SYT1: variants seen among roughly 807,000 people sequenced by gnomAD.
SYT1 encodes synaptotagmin 1.
Under a neutral mutation model 44.8 loss-of-function variants are expected in SYT1, and 8 were observed. That is an observed-to-expected ratio of 0.18 (90% CI 0.10 to 0.32). The LOEUF is 0.32. Ranked by LOEUF, SYT1 falls within the 10% of genes least tolerant of loss-of-function variation. The pLI is 1.00. For missense variants in SYT1, 286 were observed against 509.3 expected (o/e 0.56, Z 4.22); for synonymous variants, 154 against 188.8 (o/e 0.82, Z 1.51).
chr12:79,160,386 C>T (rs1870875324), intron 3 of SYT1, among the ~76,000 whole-genome samples: 1 of 151,826 alleles, frequency 6.6e-6, no homozygotes, highest in Non-Finnish European at 1.5e-5. Flanking sequence ...GTGATGTGGT[C>T]AATGAAACCA....
chr12:79,220,216 A>G (rs973791351), intron 4 of SYT1, among the ~76,000 whole-genome samples: 2 of 152,076 alleles, frequency 1.3e-5, no homozygotes, highest in Non-Finnish European at 2.9e-5. Flanking sequence ...ATAATTGTTC[A>G]TAAGAGTCCC....
rs560122832 is a variant in SYT1 at position 79,072,116 on chromosome 12, A to G, written c.-18+24754A>G. Among the ~76,000 whole-genome samples, 214 of 152,278 alleles carry G rather than the reference A, an allele frequency of 1.4e-3. 8 individuals are homozygous for G. In the South Asian group the frequency reaches 0.043, roughly 31 times the overall value. On this transcript the variant is annotated intron_variant, in intron 3 of 10. Coordinates refer to ENST00000261205, the MANE Select transcript of SYT1 (RefSeq NM_005639.3). ...CTGTCATTATTTCATTGTTATCTGT[A>G]GAATTTCTTATTCTGTCTTTAAATA...
At chr12:79,164,365 A>G (rs1871124034) in intron 3 of SYT1, among the ~76,000 whole-genome samples, 2 of 152,000 alleles carry the variant, frequency 1.3e-5, no homozygotes, top group African/African-American at 4.8e-5. Flanking sequence ...CTCATTCTTC[A>G]TTTTTCCATT....
intron 9 of SYT1, among the ~76,000 whole-genome samples, chr12:79,384,723 G>A (rs1220362652): frequency 1.3e-5 from 2 of 152,106 alleles, no homozygotes; most frequent in Admixed American, 6.6e-5. Flanking sequence ...ATTGTTTCAA[G>A]GCTTGAATAG....
At chr12:79,078,253 C>T (rs1184728784) in intron 3 of SYT1, among the ~76,000 whole-genome samples, 1 of 152,112 alleles carries the variant, frequency 6.6e-6, no homozygotes, top group Non-Finnish European at 1.5e-5. Flanking sequence ...AGCGTGCCTT[C>T]TCCCCTCACC....
rs1380480725 is a variant in SYT1, at chr12:79,445,937, A to AAAT, written c.1062+1734_1062+1736dup. Among the ~76,000 whole-genome samples the AAAT allele has an allele frequency of 8.0e-3, 1,122 of 140,272 alleles. 7 individuals carry two copies. Among genetic ancestry groups the AAAT allele is most frequent in the Middle Eastern group, 0.019 (5 of 266 alleles). 92.0% of individuals were successfully genotyped at this position (140,272 alleles called of 152,430 possible). ...TAGCTATATAATATATACATATATAAAATAAGTATAGCTATTATGTTAGCT... is the reference window on the plus strand; with the variant it reads ...TAGCTATATAATATATACATATATAAAATAATAAGTATAGCTATTATGTTAGCT... On this transcript the variant is annotated intron_variant, in intron 10 of 10. Coordinates refer to ENST00000261205, the MANE Select transcript of SYT1 (RefSeq NM_005639.3).
intron 1 of SYT1, among the ~76,000 whole-genome samples, chr12:78,946,999 G>C (rs1878695273): frequency 6.6e-6 from 1 of 152,052 alleles, no homozygotes; most frequent in Admixed American, 6.5e-5. Context: ...ATACCTCTCT[G>C]TTTTCAAAAA....
chr12:78,969,507 G>A (rs1433097629), intron 1 of SYT1, among the ~76,000 whole-genome samples: 1 of 152,134 alleles, frequency 6.6e-6, no homozygotes, highest in Non-Finnish European at 1.5e-5. Context: ...AGAGCAGTTT[G>A]AGGAGGACAG....
At chr12:79,311,343 G>A (rs1238637520) in intron 8 of SYT1, among the ~76,000 whole-genome samples, 2 of 151,638 alleles carry the variant, frequency 1.3e-5, no homozygotes, top group East Asian at 1.9e-4. Context: ...AGTTAGAATG[G>A]CAATCATTAA....
intron 2 of SYT1, among the ~76,000 whole-genome samples, chr12:79,024,903 AT>A (rs1191468530): frequency 6.6e-6 from 1 of 151,690 alleles, no homozygotes; most frequent in African/African-American, 2.4e-5. Flanking sequence ...ATATTTTGTT[AT>A]TTTTAAATAT....
Position 79,305,151 on chromosome 12 carries a change from A to G in SYT1, c.810+5600A>G, listed in dbSNP as rs561038511. ...CTGTAATTTGCTTGCCTTTCTGGTT[A>G]AAAAGACTTTTCAGGCAGAGGTAAA... On this transcript the variant is annotated intron_variant, in intron 8 of 10. Transcript: ENST00000261205. 7.4e-4 allele frequency among the ~76,000 whole-genome samples: 113 copies of G among 152,326 alleles called. 3 individuals carry two copies. In the South Asian group the frequency reaches 0.019, roughly 26 times the overall value.
intron 3 of SYT1, among the ~76,000 whole-genome samples, chr12:79,214,456 T>G (rs1334030991): frequency 6.6e-6 from 1 of 152,234 alleles, no homozygotes; most frequent in East Asian, 1.9e-4. Flanking sequence ...TTTCTAAATG[T>G]TGACCCTGTT....
intron 3 of SYT1, among the ~76,000 whole-genome samples, chr12:79,103,309 T>G (rs908186118): frequency 1.3e-5 from 2 of 152,178 alleles, no homozygotes; most frequent in African/African-American, 4.8e-5. Flanking sequence ...TTCCTTATCT[T>G]TGGGCTTTGC....
chr12:78,905,345 T>C (rs909104372), intron 1 of SYT1, among the ~76,000 whole-genome samples: 1 of 152,124 alleles, frequency 6.6e-6, no homozygotes, highest in African/African-American at 2.4e-5. Flanking sequence ...AGATCAGCTT[T>C]AGGAGTAAGA....
intron 9 of SYT1, among the ~76,000 whole-genome samples, chr12:79,378,181 TC>T (rs1387092275): frequency 6.6e-6 from 1 of 152,240 alleles, no homozygotes; most frequent in East Asian, 1.9e-4. Context: ...CTATTAGAAA[TC>T]TTTGCCTCAC....
intron 9 of SYT1, among the ~76,000 whole-genome samples, chr12:79,383,914 T>C (rs1159986923): frequency 1.3e-5 from 2 of 152,166 alleles, no homozygotes; most frequent in Non-Finnish European, 2.9e-5. Context: ...GCGCCAACCA[T>C]ATAACCTGTC....
chr12:79,111,177 G>A (rs1437850157), intron 3 of SYT1, among the ~76,000 whole-genome samples: 1 of 152,108 alleles, frequency 6.6e-6, no homozygotes, highest in Non-Finnish European at 1.5e-5. Flanking sequence ...ATCTAGCGCA[G>A]TATTTGTAAT....
At chr12:79,154,390 G>A (rs1190974058) in intron 3 of SYT1, among the ~76,000 whole-genome samples, 1 of 151,558 alleles carries the variant, frequency 6.6e-6, no homozygotes, top group Non-Finnish European at 1.5e-5. Context: ...CTATGACATA[G>A]GTACGTTTTT....
At chr12:79,448,393 TATTA>T (rs1222149733) in intron 10 of SYT1, among the ~76,000 whole-genome samples, 2 of 152,234 alleles carry the variant, frequency 1.3e-5, no homozygotes, top group African/African-American at 4.8e-5. Flanking sequence ...ATTAATTCTA[TATTA>T]ATTTTTTTGT....
Sources: allele counts gnomAD v4.1 joint callset (sites outside exome capture counted in the v4.1 genomes callset), GRCh38; gene constraint gnomAD v4.1.1; transcripts MANE v1.5; gene names NCBI Gene and HGNC (gene_info 2026-07-23, HGNC 2026-07-21).